UNC13C: variants seen among roughly 807,000 people sequenced by gnomAD.
UNC13C encodes the protein unc-13 homolog C.
In UNC13C, 174 loss-of-function variants were observed where a neutral mutation model predicts 245.4. The observed-to-expected ratio is 0.71, with a 90% confidence interval of 0.63 to 0.80. UNC13C has a LOEUF of 0.80. Ranked by LOEUF, UNC13C falls within the 30% of genes least tolerant of loss-of-function variation. The pLI, the probability that UNC13C is intolerant of heterozygous loss-of-function variation, is 0.00. For missense variants in UNC13C, 2,829 were observed against 2,602.9 expected (o/e 1.09, Z -1.89); for synonymous variants, 992 against 895.1 (o/e 1.11, Z -1.93).
chr15:54,270,778 C>T (rs926575763), intron 10 of UNC13C, among the ~76,000 whole-genome samples: 2 of 152,036 alleles, frequency 1.3e-5, no homozygotes, highest in Non-Finnish European at 2.9e-5. Context: ...AAAATCAAAG[C>T]TCAGATGGGT....
intron 1 of UNC13C, among the ~76,000 whole-genome samples, chr15:53,993,881 A>C (rs1019709989): frequency 6.6e-6 from 1 of 152,070 alleles, no homozygotes; most frequent in Non-Finnish European, 1.5e-5. Context: ...AAACACAGGT[A>C]TAATTGGGGC....
intron 13 of UNC13C, among the ~76,000 whole-genome samples, chr15:54,312,211 GT>G (rs1489725220): frequency 1.3e-5 from 2 of 151,546 alleles, no homozygotes; most frequent in African/African-American, 4.8e-5. Context: ...ATCTATTTGT[GT>G]TTGGTGTGCA....
At chr15:54,097,874 A>G (rs577140192) in intron 2 of UNC13C, among the ~76,000 whole-genome samples, 1 of 152,358 alleles carries the variant, frequency 6.6e-6, no homozygotes, top group Admixed American at 6.5e-5. Flanking sequence ...GATGGGAACA[A>G]CACTCATTTA....
chr15:53,854,176 A>G, the UNC13C span, among the ~76,000 whole-genome samples: 1 of 137,900 alleles, frequency 7.3e-6, no homozygotes, highest in African/African-American at 2.7e-5. Context: ...GCTGGAGTGC[A>G]GTGGCGCAAT....
chr15:54,047,563 TGTA>T (rs1205681969), intron 2 of UNC13C, among the ~76,000 whole-genome samples: 2 of 152,148 alleles, frequency 1.3e-5, no homozygotes, highest in Non-Finnish European at 2.9e-5. Flanking sequence ...TTTATCCTGT[TGTA>T]GCATTTATCA....
At chr15:54,255,422 C>G (rs1159872116) in intron 8 of UNC13C, among the ~76,000 whole-genome samples, 2 of 152,186 alleles carry the variant, frequency 1.3e-5, no homozygotes, top group Non-Finnish European at 2.9e-5. Flanking sequence ...CCAAACTCCA[C>G]CACGTTCTGT....
the UNC13C span, among the ~76,000 whole-genome samples, chr15:53,884,056 T>A: frequency 6.6e-6 from 1 of 152,142 alleles, no homozygotes; most frequent in African/African-American, 2.4e-5. Context: ...GTACCGTGCA[T>A]GGCTGAGTTA....
intron 30 of UNC13C, among the ~76,000 whole-genome samples, chr15:54,575,118 C>T (rs1053818823): frequency 6.6e-6 from 1 of 152,164 alleles, no homozygotes; most frequent in Non-Finnish European, 1.5e-5. Flanking sequence ...TCACTGCAAC[C>T]TCCACCTCCT....
chr15:54,427,731 A>G (rs1482381699), intron 19 of UNC13C, among the ~76,000 whole-genome samples: 3 of 151,782 alleles, frequency 2.0e-5, no homozygotes, highest in African/African-American at 4.8e-5. Context: ...ATATTTTACT[A>G]TTGACAACTT....
intron 22 of UNC13C, among the ~76,000 whole-genome samples, chr15:54,502,125 A>T (rs1316186752): frequency 6.6e-6 from 1 of 152,108 alleles, no homozygotes; most frequent in African/African-American, 2.4e-5. Flanking sequence ...TTGAATGATG[A>T]CTGAGGTTTT....
At position 54,290,538 on chromosome 15, in the gene UNC13C, T is replaced by C. The variant is rs569547874; in HGVS notation, c.3819-3357T>C. Among the ~76,000 whole-genome samples, 11 of 152,214 alleles carry C rather than the reference T, an allele frequency of 7.2e-5. No individual in the cohort carries two copies. The South Asian group carries it at 2.3e-3, about 32-fold the overall frequency. ...TTCATCTATTGGTATCCCATTTATT[T>C]TGAACAGAAATTTGGAAAGAAAGAT... On this transcript the variant is annotated intron_variant, in intron 10 of 32. Coordinates refer to ENST00000260323, the MANE Select transcript of UNC13C (RefSeq NM_001080534.3).
At chr15:54,597,062 T>C (rs989256644) in intron 30 of UNC13C, among the ~76,000 whole-genome samples, 41 of 152,210 alleles carry the variant, frequency 2.7e-4, no homozygotes, top group African/African-American at 9.9e-4. Flanking sequence ...GGTTTCATCT[T>C]GGGCAGTTTC....
chr15:54,341,668 AT>A (rs1189955796), intron 17 of UNC13C, among the ~76,000 whole-genome samples: 3 of 152,170 alleles, frequency 2.0e-5, no homozygotes, highest in Admixed American at 1.3e-4. Flanking sequence ...CCATGTTAAC[AT>A]TTTCCAATAT....
At chr15:54,253,642 A>G (rs998984340) in intron 8 of UNC13C, among the ~76,000 whole-genome samples, 26 of 152,174 alleles carry the variant, frequency 1.7e-4, no homozygotes, top group African/African-American at 5.8e-4. Flanking sequence ...ATTATAATAA[A>G]TGGAGGAGCA....
chr15:54,305,524 T>C (rs2037702853), intron 13 of UNC13C, among the ~76,000 whole-genome samples: 1 of 152,050 alleles, frequency 6.6e-6, no homozygotes, highest in African/African-American at 2.4e-5. Context: ...AAACTGTTTA[T>C]GAATAAATCT....
chr15:54,185,630 ATC>A (rs756892554), intron 4 of UNC13C, among the ~76,000 whole-genome samples: 52 of 140,600 alleles, frequency 3.7e-4, no homozygotes, highest in Admixed American at 1.2e-3. Context: ...ATTGATCTAT[ATC>A]TCTGTTTTTG....
chr15:54,352,755 A>T (rs1165393530), intron 17 of UNC13C, among the ~76,000 whole-genome samples: 1 of 152,112 alleles, frequency 6.6e-6, no homozygotes, highest in Non-Finnish European at 1.5e-5. Flanking sequence ...AAGTTAATGG[A>T]TAATGGAATC....
Position 54,623,924 on chromosome 15 carries a change from G to T in UNC13C, c.6329G>T (p.Trp2110Leu). The T allele has an allele frequency of 6.2e-7, 1 of 1,613,086 alleles. No individual in the cohort carries two copies. The highest frequency in any genetic ancestry group is 8.5e-7 in the Non-Finnish European group (1 of 1,179,364). The change falls in exon 32 of 33, where the codon TGG becomes TTG. Residue 2110 changes from tryptophan (W) to leucine (L), a missense_variant. Trp to Leu is a moderately conservative substitution (Grantham distance 61). Transcript: ENST00000260323. ...GGCACAAAAACAAAAAGCAACACAT[G>T]GTCACCAAAGTACAATGAAACATTT... ...KQGTKTKSNT[W>L]SPKYNETFQF...
intron 2 of UNC13C, among the ~76,000 whole-genome samples, chr15:54,141,321 T>A (rs1452412532): frequency 6.6e-6 from 1 of 152,172 alleles, no homozygotes; most frequent in African/African-American, 2.4e-5. Context: ...TGACTTCTAA[T>A]AATTATATAG....
Sources: gnomAD v4.1 joint callset for allele counts (sites outside exome capture counted in the v4.1 genomes callset) on GRCh38, gnomAD v4.1.1 for gene constraint, MANE v1.5 for transcripts, NCBI Gene and HGNC (gene_info 2026-07-23, HGNC 2026-07-21) for gene names.